The following RBKS variants were observed in gnomAD, a reference collection of about 807,000 sequenced individuals.
The protein encoded by RBKS is ribokinase.
In RBKS, 33 loss-of-function variants were observed where a neutral mutation model predicts 33.9. That is an observed-to-expected ratio of 0.97 (90% CI 0.74 to 1.30). The LOEUF is 1.30. RBKS is among the 50% of genes most tolerant of loss of function. RBKS has a pLI of 0.00. For synonymous variants in RBKS, 125 were observed against 143.0 expected (o/e 0.87, Z 0.90); for missense variants, 361 against 392.6 (o/e 0.92, Z 0.68).
chr2:27,807,711 AG>A, intron 7 of RBKS, among the ~76,000 whole-genome samples: 1 of 152,100 alleles, frequency 6.6e-6, no homozygotes, highest in Non-Finnish European at 1.5e-5. Flanking sequence ...GTGGAAGATG[AG>A]GGGGAAACTC....
intron 7 of RBKS, among the ~76,000 whole-genome samples, chr2:27,794,765 A>C (rs1677614257): frequency 6.6e-6 from 1 of 151,954 alleles, no homozygotes; most frequent in Admixed American, 6.6e-5. Flanking sequence ...CTGGGATTAC[A>C]AGCGTGTGTC....
At chr2:27,798,595 C>T (rs2148187282) in intron 7 of RBKS, among the ~76,000 whole-genome samples, 1 of 152,294 alleles carries the variant, frequency 6.6e-6, no homozygotes, top group South Asian at 2.1e-4. Context: ...ACTTCCAAGC[C>T]AGTCTCCCTG....
At chr2:27,870,756 G>T in intron 1 of RBKS, 1 of 462,752 alleles carries the variant, frequency 2.2e-6, no homozygotes. Flanking sequence ...CAGCCACTCT[G>T]TCCATGCATA....
chr2:27,801,367 G>C (rs1677777180), intron 7 of RBKS, among the ~76,000 whole-genome samples: 1 of 151,626 alleles, frequency 6.6e-6, no homozygotes, highest in South Asian at 2.1e-4. Flanking sequence ...CCCAACTGGG[G>C]CTATATCTCC....
At chr2:27,782,704 G>A (rs895323487) in intron 7 of RBKS, 5 of 405,432 alleles carry the variant, frequency 1.2e-5, no homozygotes, top group South Asian at 1.8e-5. Flanking sequence ...GGTAGTCTTT[G>A]CCAAGTTTCT....
At chr2:27,832,627 T>G in intron 6 of RBKS, 59 bp downstream of exon 6, 1 of 1,079,706 alleles carries the variant, frequency 9.3e-7, no homozygotes, top group Non-Finnish European at 1.4e-6. Context: ...CCCCTTTGCT[T>G]TATCCACTTG....
intron 2 of RBKS, among the ~76,000 whole-genome samples, chr2:27,856,427 G>A (rs974442634): frequency 6.6e-6 from 1 of 152,114 alleles, no homozygotes; most frequent in Non-Finnish European, 1.5e-5. Flanking sequence ...ACAGCCCCCT[G>A]CTTCTATTCC....
intron 1 of RBKS, chr2:27,861,653 C>A: frequency 2.7e-6 from 1 of 370,374 alleles, no homozygotes; most frequent in South Asian, 2.0e-5. Flanking sequence ...TAGTATGTTC[C>A]ATTTCTTTTT....
At position 27,884,662 on chromosome 2, in the gene RBKS, A is replaced by G. The variant is rs575680768; in HGVS notation, c.89+5595T>C. ...TAAACCTTTTGAAAATTAGGCACTC[A>G]TTTCCTGATTTGGCAGGATTAAGCT... On this transcript the variant is annotated intron_variant, in intron 1 of 7. Transcript: ENST00000302188. 1.5e-4 allele frequency among the ~76,000 whole-genome samples: 23 copies of G among 152,196 alleles called. No homozygotes were observed. In the South Asian group the frequency reaches 4.6e-3, roughly 30 times the overall value.
rs550090984 is a variant in RBKS, at chr2:27,804,820, G to T, written c.795+22747C>A. Among the ~76,000 whole-genome samples the T allele has an allele frequency of 1.6e-4, 24 of 152,234 alleles. No individual in the cohort carries two copies. In the South Asian group the frequency reaches 4.8e-3, roughly 30 times the overall value. On this transcript the variant is annotated intron_variant, in intron 7 of 7. Transcript: ENST00000302188. ...AGCACTTTGGGAGGCCAAGGCCGGC[G>T]GATTGCTTGAGCTCAGGAAGATGGC...
intron 1 of RBKS, among the ~76,000 whole-genome samples, chr2:27,889,334 T>A (rs987985437): frequency 6.6e-6 from 1 of 152,206 alleles, no homozygotes; most frequent in Non-Finnish European, 1.5e-5. Context: ...AAAGCAACAT[T>A]TCAGGACGAA....
intron 7 of RBKS, among the ~76,000 whole-genome samples, chr2:27,782,328 TGTGCAACAC>T (rs780417003): frequency 5.9e-5 from 9 of 151,892 alleles, no homozygotes; most frequent in Admixed American, 2.6e-4. Context: ...ACTACAGGCA[TGTGCAACAC>T]TTAGCTAATT....
chr2:27,848,348 T>G (rs1392065438), intron 2 of RBKS, among the ~76,000 whole-genome samples: 1 of 152,230 alleles, frequency 6.6e-6, no homozygotes, highest in East Asian at 1.9e-4. Context: ...ATTCTCATTT[T>G]GAGCTGTTCA....
Position 27,808,833 on chromosome 2 carries a change from T to C in RBKS, c.795+18734A>G, listed in dbSNP as rs114933914. The stretch of plus-strand genomic sequence containing the variant: ...GACATGCCTGATCCTTTCCCTTTTC[T>C]ATACCTCATTCCACCCTCGGCCCAA... On this transcript the variant is annotated intron_variant, in intron 7 of 7. Coordinates refer to ENST00000302188, the MANE Select transcript of RBKS (RefSeq NM_022128.3). 9.0e-3 allele frequency among the ~76,000 whole-genome samples: 1,368 copies of C among 152,340 alleles called. 22 individuals carry two copies. Among genetic ancestry groups the C allele is most frequent in the African/African-American group, 0.03 (1,265 of 41,580 alleles).
chr2:27,799,007 G>A (rs1251173994), intron 7 of RBKS, among the ~76,000 whole-genome samples: 1 of 152,182 alleles, frequency 6.6e-6, no homozygotes, highest in African/African-American at 2.4e-5. Flanking sequence ...TCCCTGTCCT[G>A]AGACCTAGTG....
chr2:27,889,587 C>A (rs1232796332), intron 1 of RBKS, among the ~76,000 whole-genome samples: 1 of 152,142 alleles, frequency 6.6e-6, no homozygotes, highest in Non-Finnish European at 1.5e-5. Context: ...CCTAACTCAA[C>A]AATTTTCATT....
intron 1 of RBKS, among the ~76,000 whole-genome samples, chr2:27,889,250 C>T (rs774737845): frequency 2.0e-5 from 3 of 152,176 alleles, no homozygotes; most frequent in Non-Finnish European, 4.4e-5. Flanking sequence ...TGGTTTGGTG[C>T]AGCAATTTGG....
intron 5 of RBKS, among the ~76,000 whole-genome samples, chr2:27,840,352 ACACGCG>A (rs1376476438): frequency 1.0e-3 from 134 of 133,008 alleles, no homozygotes; most frequent in Middle Eastern, 7.4e-3. Context: ...ACACACACAC[ACACGCG>A]CGCGCGCACA....
chr2:27,879,476 T>C (rs1664378679), intron 1 of RBKS, among the ~76,000 whole-genome samples: 1 of 152,114 alleles, frequency 6.6e-6, no homozygotes, highest in Non-Finnish European at 1.5e-5. Flanking sequence ...GAGTTCCTAA[T>C]AAAAGGACAA....
Sources: allele counts gnomAD v4.1 joint callset (sites outside exome capture counted in the v4.1 genomes callset), GRCh38; gene constraint gnomAD v4.1.1; transcripts MANE v1.5; gene names NCBI Gene and HGNC (gene_info 2026-07-23, HGNC 2026-07-21).